Variants in PEX7 observed in about 807,000 individuals in gnomAD.
PEX7 encodes the protein peroxisomal biogenesis factor 7.
PEX7 carries 34 observed loss-of-function variants against 47.5 expected under a neutral mutation model. The observed-to-expected ratio is 0.72, with a 90% CI of 0.54 to 0.95. PEX7 has a LOEUF of 0.95. Ranked by LOEUF, PEX7 falls within the 40% of genes least tolerant of loss-of-function variation. PEX7 has a pLI of 0.00. For synonymous variants in PEX7, 141 were observed against 148.8 expected (o/e 0.95, Z 0.38); for missense variants, 394 against 400.3 (o/e 0.98, Z 0.13).
Position 136,900,461 on chromosome 6 carries a change from T to C in PEX7, c.903+2220T>C. On this transcript the variant is annotated intron_variant, in intron 9 of 9. Coordinates refer to ENST00000318471, the MANE Select transcript of PEX7 (RefSeq NM_000288.4). The surrounding 1 kb of genome is among the most constrained non-coding windows in gnomAD (Gnocchi z 4.2). ...GCCACAGACTTGGGACCAAGGACAT[T>C]GCCCCCCCAGTGACAGCAGATCTCA... 2.2e-6 allele frequency: 1 copy of C among 458,612 alleles called. No homozygotes were observed. Among genetic ancestry groups the C allele is most frequent in the Non-Finnish European group, 4.3e-6 (1 of 230,822 alleles). The allele number at this position is 458,612 out of a possible 1,614,324, so 28.4% of individuals were successfully genotyped here.
chr6:136,874,490 G>A (rs1183843797), intron 8 of PEX7, among the ~76,000 whole-genome samples: 1 of 152,008 alleles, frequency 6.6e-6, no homozygotes. Flanking sequence ...TGGCCAACAT[G>A]GTGAAACCCT....
At position 136,823,195 on chromosome 6, in the gene PEX7, C is replaced by T. The variant is rs1048449250; in HGVS notation, c.130+400C>T. The T allele has an allele frequency of 3.0e-6, 3 of 985,258 alleles. No homozygotes were observed. The African/African-American group carries it at 5.2e-5, about 17-fold the overall frequency. The allele number at this position is 985,258 out of a possible 1,614,324, so 61.0% of individuals were successfully genotyped here. Reference sequence around the variant, plus strand: ...AAGACGGTCTGAGCCAGAACCGACCCAGGGCTCGCGAGTTGGCCCACAATT... The same window carrying T: ...AAGACGGTCTGAGCCAGAACCGACCTAGGGCTCGCGAGTTGGCCCACAATT... On this transcript the variant is annotated intron_variant, in intron 1 of 9. Transcript: ENST00000318471.
intron 8 of PEX7, among the ~76,000 whole-genome samples, chr6:136,882,072 T>C (rs1381339081): frequency 6.6e-6 from 1 of 152,072 alleles, no homozygotes; most frequent in Non-Finnish European, 1.5e-5. Context: ...CAACTAGTGA[T>C]ATCTGTGCTC....
Position 136,822,728 on chromosome 6 carries a change from C to T in PEX7, c.63C>T (p.Ala21=), listed in dbSNP as rs935581914. The change falls in exon 1 of 10, where the codon GCC becomes GCT. Residue 21 remains alanine, a synonymous_variant. Transcript: ENST00000318471. The part of the protein sequence containing the change: ...MLRTPGRHGY[A]AEFSPYLPGR... ...GGACGCCGGGACGCCACGGCTACGCCGCCGAGTTCTCCCCGTACCTGCCGG... is the reference window on the plus strand; with the variant it reads ...GGACGCCGGGACGCCACGGCTACGCTGCCGAGTTCTCCCCGTACCTGCCGG... 4 of 1,513,024 alleles carry T rather than the reference C, an allele frequency of 2.6e-6. No individual in the cohort carries two copies. In the East Asian group the frequency reaches 1.0e-4, roughly 40 times the overall value. The allele number at this position is 1,513,024 out of a possible 1,614,324, so 93.7% of individuals were successfully genotyped here. A position where few individuals can be genotyped will look rare whatever the true frequency, so the allele number is the denominator to read the frequency against.
At chr6:136,847,217 T>C in intron 5 of PEX7, among the ~76,000 whole-genome samples, 1 of 135,726 alleles carries the variant, frequency 7.4e-6, no homozygotes, top group Non-Finnish European at 1.6e-5. Flanking sequence ...AATTTGTTTT[T>C]AAGTTTTTTG....
intron 5 of PEX7, among the ~76,000 whole-genome samples, chr6:136,850,938 TGCATTGTCTAAAGATATTTA>T (rs1774733461): frequency 9.2e-6 from 1 of 109,114 alleles, no homozygotes; most frequent in Admixed American, 9.9e-5. Context: ...TTTTTTTTTT[TGCATTGTCTAAAGATATTTA>T]TTTCTGCTGT....
intron 8 of PEX7, among the ~76,000 whole-genome samples, chr6:136,887,352 T>G (rs1775483515): frequency 6.6e-6 from 1 of 152,142 alleles, no homozygotes; most frequent in South Asian, 2.1e-4. Context: ...AGTCATAAGA[T>G]GTACTGCTAC....
chr6:136,859,620 A>T (rs1297652853), intron 5 of PEX7, among the ~76,000 whole-genome samples: 1 of 151,676 alleles, frequency 6.6e-6, no homozygotes, highest in African/African-American at 2.4e-5. Flanking sequence ...CCAGTTTTAG[A>T]CTCTTATGTT....
intron 8 of PEX7, among the ~76,000 whole-genome samples, chr6:136,892,870 T>C (rs974292075): frequency 8.5e-5 from 13 of 152,216 alleles, no homozygotes; most frequent in African/African-American, 2.9e-4. Flanking sequence ...TCCATCAACT[T>C]TTCTTCATCA....
intron 3 of PEX7, among the ~76,000 whole-genome samples, chr6:136,839,712 A>G (rs6939088): frequency 0.03 from 4,531 of 152,278 alleles, 261 homozygotes; most frequent in African/African-American, 0.1. Flanking sequence ...GAGGAGACTA[A>G]TAGAAGATGT....
At chr6:136,899,891 A>G (rs1775724153) in intron 9 of PEX7, among the ~76,000 whole-genome samples, 1 of 152,244 alleles carries the variant, frequency 6.6e-6, no homozygotes, top group Non-Finnish European at 1.5e-5. Flanking sequence ...TACATTTATT[A>G]TAGATGGATT....
At chr6:136,846,940 T>A (rs1428115641) in intron 5 of PEX7, among the ~76,000 whole-genome samples, 8 of 152,228 alleles carry the variant, frequency 5.3e-5, no homozygotes, top group African/African-American at 1.9e-4. Flanking sequence ...ATGGTTGAAC[T>A]AGTTTACAGT....
intron 9 of PEX7, among the ~76,000 whole-genome samples, chr6:136,902,159 A>G (rs1004677452): frequency 6.6e-6 from 1 of 152,118 alleles, no homozygotes; most frequent in Non-Finnish European, 1.5e-5. Flanking sequence ...AGTTAATTTA[A>G]TTTTACTCTT....
intron 8 of PEX7, among the ~76,000 whole-genome samples, chr6:136,895,022 T>A (rs1214556444): frequency 6.6e-6 from 1 of 152,210 alleles, no homozygotes; most frequent in Non-Finnish European, 1.5e-5. Context: ...ATGGGATGTT[T>A]GAATCCAGAA....
At chr6:136,890,882 A>G (rs1005299174) in intron 8 of PEX7, among the ~76,000 whole-genome samples, 7 of 152,174 alleles carry the variant, frequency 4.6e-5, no homozygotes, top group African/African-American at 1.7e-4. Flanking sequence ...TTTTGGTGCT[A>G]CCAGTTACGC....
chr6:136,876,592 C>T (rs888534814), intron 8 of PEX7, among the ~76,000 whole-genome samples: 16 of 152,092 alleles, frequency 1.1e-4, no homozygotes, highest in African/African-American at 3.1e-4. Flanking sequence ...ACGCGGTGTT[C>T]GGTTTTCTGT....
At chr6:136,859,992 GA>G (rs1774928469) in intron 5 of PEX7, among the ~76,000 whole-genome samples, 1 of 150,732 alleles carries the variant, frequency 6.6e-6, no homozygotes, top group Non-Finnish European at 1.5e-5. Flanking sequence ...CAGCCTGGGT[GA>G]CAGAGTTAGA....
intron 8 of PEX7, among the ~76,000 whole-genome samples, chr6:136,876,286 C>T (rs1775271370): frequency 2.6e-5 from 4 of 152,194 alleles, no homozygotes; most frequent in Admixed American, 2.0e-4. Flanking sequence ...ATCCACCCGC[C>T]TCAGCCTCCC....
chr6:136,903,477 A>G (rs1345142714), intron 9 of PEX7, among the ~76,000 whole-genome samples: 1 of 151,488 alleles, frequency 6.6e-6, no homozygotes, highest in African/African-American at 2.4e-5. Flanking sequence ...TGCCCCACCT[A>G]AGATAATCTT....
Sources: allele counts gnomAD v4.1 joint callset (sites outside exome capture counted in the v4.1 genomes callset), GRCh38; gene constraint gnomAD v4.1.1; non-coding constraint Gnocchi (gnomAD v3.1); transcripts MANE v1.5; gene names NCBI Gene and HGNC (gene_info 2026-07-23, HGNC 2026-07-21).